PDZRN4: variants seen among roughly 807,000 people sequenced by gnomAD.
PDZRN4 encodes the protein PDZ domain containing ring finger 4.
In PDZRN4, 70 loss-of-function variants were observed where a neutral mutation model predicts 99.0. The observed-to-expected ratio is 0.71, with a 90% CI of 0.58 to 0.86. The LOEUF (loss-of-function observed/expected upper bound fraction) is 0.86. Among genes scored for constraint, PDZRN4 ranks in the 40% least tolerant of loss-of-function variants. The pLI, the probability that PDZRN4 is intolerant of heterozygous loss-of-function variation, is 0.00. For missense variants in PDZRN4, 1,474 were observed against 1,331.2 expected (o/e 1.11, Z -1.67); for synonymous variants, 551 against 501.6 (o/e 1.10, Z -1.32).
intron 3 of PDZRN4, chr12:41,409,566 TA>T (rs1366606453): frequency 6.6e-6 from 1 of 152,220 alleles, no homozygotes; most frequent in Admixed American, 6.5e-5. Flanking sequence ...TAACACTTTA[TA>T]AATGAAGATT....
At chr12:41,356,842 C>T (rs1305994675) in intron 3 of PDZRN4, among the ~76,000 whole-genome samples, 1 of 151,884 alleles carries the variant, frequency 6.6e-6, no homozygotes, top group Non-Finnish European at 1.5e-5. Flanking sequence ...GCATTCTGTT[C>T]AGAAAAATGT....
In PDZRN4 at chr12:41,188,654, G is replaced by C. The variant is rs1950710510; in HGVS notation, c.199G>C (p.Val67Leu). 8 of 1,545,750 alleles carry C rather than the reference G, an allele frequency of 5.2e-6. No individual in the cohort carries two copies. Among genetic ancestry groups the C allele is most frequent in the Non-Finnish European group, 6.9e-6 (8 of 1,153,336 alleles). Residue 67 changes from valine (V) to leucine (L), a missense_variant, in exon 1 of 10, where the codon GTG becomes CTG. Transcript: ENST00000402685. ...CTTGGCGCCCGGCGAGCTGTACCGG[G>C]TGCTGCCGCTGCGCAGCCTCATCCA... ...QPLAPGELYR[V>L]LPLRSLIQKL...
chr12:41,440,796 C>T (rs925309082), intron 3 of PDZRN4, among the ~76,000 whole-genome samples: 2 of 152,088 alleles, frequency 1.3e-5, no homozygotes, highest in African/African-American at 4.8e-5. Context: ...TTTTTATCTA[C>T]AGTGATTTAT....
chr12:41,456,219 C>T (rs1056621792), intron 3 of PDZRN4, among the ~76,000 whole-genome samples: 1 of 152,226 alleles, frequency 6.6e-6, no homozygotes, highest in Non-Finnish European at 1.5e-5. Flanking sequence ...TTATACCTTG[C>T]TCAGAGAACA....
intron 3 of PDZRN4, among the ~76,000 whole-genome samples, chr12:41,334,297 G>A (rs1230878150): frequency 1.3e-5 from 2 of 149,244 alleles, no homozygotes; most frequent in Non-Finnish European, 3.0e-5. Flanking sequence ...GTTTGGTTTT[G>A]TTTGCTCTTG....
intron 3 of PDZRN4, among the ~76,000 whole-genome samples, chr12:41,349,469 A>G (rs1951875888): frequency 7.3e-6 from 1 of 136,756 alleles, no homozygotes; most frequent in South Asian, 2.4e-4. Flanking sequence ...TTATCTGTAT[A>G]CTTTGTGCTA....
At chr12:41,479,298 G>A (rs916265837) in intron 3 of PDZRN4, among the ~76,000 whole-genome samples, 10 of 152,076 alleles carry the variant, frequency 6.6e-5, no homozygotes, top group African/African-American at 1.9e-4. Flanking sequence ...AGATGACACA[G>A]TATTTTTTCT....
intron 5 of PDZRN4, among the ~76,000 whole-genome samples, chr12:41,531,150 T>C (rs1938655018): frequency 6.6e-6 from 1 of 152,164 alleles, no homozygotes; most frequent in Non-Finnish European, 1.5e-5. Flanking sequence ...GTTCTTGCCT[T>C]GGTGTACCTG....
intron 3 of PDZRN4, among the ~76,000 whole-genome samples, chr12:41,211,335 A>G (rs912458713): frequency 6.6e-5 from 10 of 152,128 alleles, no homozygotes; most frequent in African/African-American, 2.2e-4. Flanking sequence ...TTCAGATTAT[A>G]TTGCTTTGGT....
chr12:41,248,194 G>C (rs1951145968), intron 3 of PDZRN4, among the ~76,000 whole-genome samples: 2 of 152,112 alleles, frequency 1.3e-5, no homozygotes, highest in African/African-American at 4.8e-5. Flanking sequence ...TGAAAATTAT[G>C]GATATGCCTC....
intron 3 of PDZRN4, among the ~76,000 whole-genome samples, chr12:41,205,459 T>C (rs1239457925): frequency 1.3e-5 from 2 of 151,956 alleles, no homozygotes; most frequent in Admixed American, 1.3e-4. Context: ...CCAACTCCTT[T>C]GTCCACCCTC....
At chr12:41,540,747 C>G (rs1592103590) in intron 5 of PDZRN4, among the ~76,000 whole-genome samples, 1 of 152,278 alleles carries the variant, frequency 6.6e-6, no homozygotes, top group East Asian at 1.9e-4. Flanking sequence ...AATATAGCCT[C>G]TCTATTAAAC....
chr12:41,500,403 C>T (rs1186301772), intron 3 of PDZRN4, among the ~76,000 whole-genome samples: 1 of 151,992 alleles, frequency 6.6e-6, no homozygotes, highest in Non-Finnish European at 1.5e-5. Flanking sequence ...TATTGTGTCA[C>T]ATGGAATAAT....
At chr12:41,313,389 C>T (rs767196531) in intron 3 of PDZRN4, among the ~76,000 whole-genome samples, 28 of 152,184 alleles carry the variant, frequency 1.8e-4, no homozygotes, top group Non-Finnish European at 3.5e-4. Flanking sequence ...GCATGTCTTA[C>T]TGCTTTGAGC....
intron 5 of PDZRN4, among the ~76,000 whole-genome samples, chr12:41,521,495 G>GA (rs1256287682): frequency 6.6e-6 from 1 of 152,054 alleles, no homozygotes; most frequent in Non-Finnish European, 1.5e-5. Context: ...TGAAATAATG[G>GA]AAAAACACAT....
intron 3 of PDZRN4, among the ~76,000 whole-genome samples, chr12:41,382,273 T>G (rs1479402047): frequency 6.6e-6 from 1 of 152,160 alleles, no homozygotes; most frequent in East Asian, 1.9e-4. Context: ...GCTCTATGAT[T>G]GGTCAGAGCG....
intron 3 of PDZRN4, among the ~76,000 whole-genome samples, chr12:41,502,323 G>A (rs1938125613): frequency 6.6e-6 from 1 of 151,990 alleles, no homozygotes; most frequent in Admixed American, 6.6e-5. Context: ...GGAAATTATT[G>A]CATATACTAC....
At chr12:41,503,398 AAATG>A (rs1938144137) in intron 3 of PDZRN4, among the ~76,000 whole-genome samples, 1 of 152,294 alleles carries the variant, frequency 6.6e-6, no homozygotes, top group Middle Eastern at 3.4e-3. Context: ...GATAATAAAT[AAATG>A]AATGTATAGG....
intron 3 of PDZRN4, among the ~76,000 whole-genome samples, chr12:41,374,430 G>T (rs1952065278): frequency 6.6e-6 from 1 of 152,078 alleles, no homozygotes; most frequent in Non-Finnish European, 1.5e-5. Flanking sequence ...GTGGGGCTGG[G>T]GGCTAAATCC....
Sources: gnomAD v4.1 joint callset for allele counts (sites outside exome capture counted in the v4.1 genomes callset) on GRCh38, gnomAD v4.1.1 for gene constraint, MANE v1.5 for transcripts, NCBI Gene and HGNC (gene_info 2026-07-23, HGNC 2026-07-21) for gene names.